Variants in DOCK1 observed in about 807,000 individuals in gnomAD.
The protein encoded by DOCK1 is dedicator of cytokinesis protein 1.
DOCK1 carries 138 observed loss-of-function variants against 262.7 expected under a neutral mutation model. The observed-to-expected ratio is 0.53, with a 90% CI of 0.46 to 0.61. DOCK1 has a LOEUF of 0.61. Among genes scored for constraint, DOCK1 ranks in the 20% least tolerant of loss-of-function variants. The pLI, the probability that DOCK1 is intolerant of heterozygous loss-of-function variation, is 0.00. For synonymous variants in DOCK1, 866 were observed against 867.4 expected, an observed-to-expected ratio of 1.00 and a Z score of 0.03; for missense variants, 1,908 against 2,370.7, an observed-to-expected ratio of 0.80 and a Z score of 4.05.
At chr10:127,403,180 G>A (rs950391080) in intron 39 of DOCK1, 36 bp downstream of exon 39, 1 of 1,552,356 alleles carries the variant, frequency 6.4e-7, no homozygotes, top group Non-Finnish European at 8.7e-7. Context: ...AATGAACACA[G>A]GCAATCTCAG....
chr10:127,002,452 T>C (rs755306650), intron 10 of DOCK1, among the ~76,000 whole-genome samples: 10 of 152,244 alleles, frequency 6.6e-5, no homozygotes, highest in Non-Finnish European at 7.3e-5. Context: ...TGGGTTGATA[T>C]TCCAGGAAAG....
At chr10:127,017,537 A>G (rs2135393825) in intron 12 of DOCK1, among the ~76,000 whole-genome samples, 1 of 124,948 alleles carries the variant, frequency 8.0e-6, no homozygotes, top group East Asian at 2.4e-4. Context: ...ACACACATGG[A>G]CACACAGACA....
chr10:127,418,068 G>A (rs372849348), intron 44 of DOCK1, among the ~76,000 whole-genome samples: 2 of 152,280 alleles, frequency 1.3e-5, no homozygotes, highest in East Asian at 3.9e-4. Context: ...TGAAGCAGGT[G>A]TATTCAAGCA....
intron 45 of DOCK1, 129 bp downstream of exon 45, chr10:127,418,670 G>A: frequency 8.2e-7 from 1 of 1,225,590 alleles, no homozygotes; most frequent in Non-Finnish European, 1.1e-6. Flanking sequence ...GCCCAGCCAA[G>A]GCCAGGCAGC....
chr10:126,994,662 C>T (rs907282170), intron 6 of DOCK1, among the ~76,000 whole-genome samples: 5 of 152,242 alleles, frequency 3.3e-5, no homozygotes, highest in African/African-American at 1.2e-4. Context: ...AACAGCATCC[C>T]AAGGCAGAAG....
rs1386809942 is a variant in DOCK1 at position 126,927,729 on chromosome 10, G to A, written c.46+22166G>A. 3.3e-5 allele frequency among the ~76,000 whole-genome samples: 5 copies of A among 152,098 alleles called. No individual in the cohort carries two copies. In the South Asian group the frequency reaches 6.2e-4, roughly 19 times the overall value. On this transcript the variant is annotated intron_variant, in intron 1 of 51. Coordinates refer to ENST00000623213, the MANE Select transcript of DOCK1 (RefSeq NM_001290223.2). Reference sequence around the variant, plus strand: ...TGGGATTATAGGTGTGAGCCACCGCGCCCGGCCTGTCTTCATTCTTTCACG... The same window carrying A: ...TGGGATTATAGGTGTGAGCCACCGCACCCGGCCTGTCTTCATTCTTTCACG...
chr10:127,353,292 G>A (rs1399244945), intron 31 of DOCK1, among the ~76,000 whole-genome samples: 5 of 152,148 alleles, frequency 3.3e-5, no homozygotes, highest in South Asian at 2.1e-4. Context: ...AGCCCTGGCC[G>A]CAGCAGCTGC....
chr10:127,362,960 T>TCC (rs752785127), intron 33 of DOCK1, among the ~76,000 whole-genome samples: 77 of 7,318 alleles, frequency 0.011, 7 homozygotes, highest in African/African-American at 0.032. Flanking sequence ...CACATGTGCA[T>TCC]CCCCACATAC....
rs2059262620 is a variant in DOCK1, at chr10:127,241,493, AG to A, written c.2848-6514del. 3.9e-5 allele frequency among the ~76,000 whole-genome samples: 6 copies of A among 152,010 alleles called. No individual in the cohort carries two copies. The South Asian group carries it at 1.2e-3, about 32-fold the overall frequency. ...CTCTTGCTCAGACCCTCTGTCTCCAAGTTTGTGCACAGAGCATGGAGGCGCA... is the reference window on the plus strand; with the variant it reads ...CTCTTGCTCAGACCCTCTGTCTCCAATTTGTGCACAGAGCATGGAGGCGCA... On this transcript the variant is annotated intron_variant, in intron 27 of 51. Transcript: ENST00000623213.
chr10:127,387,713 A>G (rs1224677270), intron 38 of DOCK1, among the ~76,000 whole-genome samples: 2 of 152,198 alleles, frequency 1.3e-5, no homozygotes, highest in African/African-American at 2.4e-5. Context: ...CACACAGCAC[A>G]TGCTCATTAC....
At chr10:127,434,036 G>C (rs1325935918) in intron 48 of DOCK1, among the ~76,000 whole-genome samples, 1 of 151,954 alleles carries the variant, frequency 6.6e-6, no homozygotes. Flanking sequence ...GTTGTGCCCG[G>C]ACAGGAGCTG....
intron 31 of DOCK1, among the ~76,000 whole-genome samples, chr10:127,346,962 A>G: frequency 6.6e-6 from 1 of 152,186 alleles, no homozygotes; most frequent in Non-Finnish European, 1.5e-5. Flanking sequence ...GATCCAGGAC[A>G]AAGCCCCCGG....
At chr10:127,054,384 T>C (rs9299892) in intron 22 of DOCK1, among the ~76,000 whole-genome samples, 35,112 of 152,128 alleles carry the variant, frequency 0.23, 4,161 homozygotes, top group African/African-American at 0.27. Context: ...CATTTTTGCA[T>C]ACAAATATGG....
intron 27 of DOCK1, among the ~76,000 whole-genome samples, chr10:127,134,864 C>T (rs2050554902): frequency 1.3e-5 from 2 of 152,260 alleles, no homozygotes; most frequent in African/African-American, 4.8e-5. Flanking sequence ...CTCTCCTAGG[C>T]CGTCCAGGTG....
intron 29 of DOCK1, among the ~76,000 whole-genome samples, chr10:127,319,325 A>G (rs1034036649): frequency 6.6e-6 from 1 of 152,254 alleles, no homozygotes; most frequent in African/African-American, 2.4e-5. Context: ...AAGAAAATGT[A>G]TGTGGGACAA....
At chr10:127,159,215 T>G (rs192061811) in intron 27 of DOCK1, among the ~76,000 whole-genome samples, 32 of 152,328 alleles carry the variant, frequency 2.1e-4, no homozygotes, top group African/African-American at 7.7e-4. Flanking sequence ...ATTTCTGTTT[T>G]GTAGTGAACC....
chr10:127,126,085 C>A (rs931264820), intron 26 of DOCK1, among the ~76,000 whole-genome samples: 2 of 53,042 alleles, frequency 3.8e-5, no homozygotes, highest in African/African-American at 9.4e-5. Flanking sequence ...CTACCCTATT[C>A]CTTTTTTTTT....
intron 49 of DOCK1, among the ~76,000 whole-genome samples, chr10:127,443,189 C>T (rs754316125): frequency 1.8e-4 from 27 of 152,152 alleles, no homozygotes; most frequent in Non-Finnish European, 3.4e-4. Context: ...AATTTGGACA[C>T]GTCCATGTCC....
intron 27 of DOCK1, among the ~76,000 whole-genome samples, chr10:127,235,175 G>A (rs1186133737): frequency 1.3e-5 from 2 of 151,182 alleles, no homozygotes; most frequent in Non-Finnish European, 3.0e-5. Context: ...CATTATAAAT[G>A]ATATACTTTA....
Sources: gnomAD v4.1 joint callset for allele counts (sites outside exome capture counted in the v4.1 genomes callset) on GRCh38, gnomAD v4.1.1 for gene constraint, MANE v1.5 for transcripts, NCBI Gene and HGNC (gene_info 2026-07-23, HGNC 2026-07-21) for gene names.